RBFOX1: variants seen among roughly 807,000 people sequenced by gnomAD.
RBFOX1 encodes the protein RNA binding protein fox-1 homolog 1.
RBFOX1 carries 8 observed loss-of-function variants against 57.7 expected under a neutral mutation model. That is an observed-to-expected ratio of 0.14 (90% CI 0.08 to 0.25). The LOEUF (loss-of-function observed/expected upper bound fraction) is 0.25. Among genes scored for constraint, RBFOX1 ranks in the 10% least tolerant of loss-of-function variants. The pLI is 1.00. For missense variants in RBFOX1, 611 were observed against 548.5 expected (o/e 1.11, Z -1.14); for synonymous variants, 326 against 222.4 (o/e 1.47, Z -4.15).
intron 4 of RBFOX1, among the ~76,000 whole-genome samples, chr16:5,916,187 A>C (rs2058699644): frequency 7.4e-6 from 1 of 135,834 alleles, no homozygotes; most frequent in Non-Finnish European, 1.6e-5. Context: ...TGTCTCCCTG[A>C]CACTCTAGCA....
chr16:7,320,705 T>G (rs569108839), intron 4 of RBFOX1, among the ~76,000 whole-genome samples: 1 of 152,216 alleles, frequency 6.6e-6, no homozygotes, highest in African/African-American at 2.4e-5. Context: ...AGCACTCTAA[T>G]TGAGATATAA....
chr16:6,961,355 C>T (rs567311383), intron 3 of RBFOX1, among the ~76,000 whole-genome samples: 59 of 152,208 alleles, frequency 3.9e-4, no homozygotes, highest in African/African-American at 1.4e-3. Flanking sequence ...CACTCCAGAC[C>T]GTGTTCAAAC....
intron 3 of RBFOX1, among the ~76,000 whole-genome samples, chr16:6,655,363 G>T (rs193067382): frequency 0.012 from 367 of 31,632 alleles, 4 homozygotes; most frequent in African/African-American, 0.041. Context: ...GACAAAATAA[G>T]CCTCCGTTTC....
intron 2 of RBFOX1, among the ~76,000 whole-genome samples, chr16:6,362,951 G>C (rs796911993): frequency 3.9e-5 from 6 of 152,292 alleles, no homozygotes; most frequent in African/African-American, 1.2e-4. Context: ...AAGGCTAAAA[G>C]GTTGTACAGC....
At chr16:7,617,131 G>C (rs1286963358) in intron 10 of RBFOX1, among the ~76,000 whole-genome samples, 1 of 152,214 alleles carries the variant, frequency 6.6e-6, no homozygotes, top group Non-Finnish European at 1.5e-5. Context: ...TTATGAAAGA[G>C]AAAAGAATGT....
At chr16:6,816,512 C>T (rs929553251) in intron 3 of RBFOX1, among the ~76,000 whole-genome samples, 184 of 150,108 alleles carry the variant, frequency 1.2e-3, no homozygotes, top group African/African-American at 3.9e-3. Context: ...GAAGCCAAGG[C>T]GGACAGATCA....
chr16:5,252,853 A>C (rs1596310332), intron 1 of RBFOX1, among the ~76,000 whole-genome samples: 1 of 151,978 alleles, frequency 6.6e-6, no homozygotes, highest in African/African-American at 2.4e-5. Flanking sequence ...CTTCCAGAAA[A>C]CCCAGGCAAC....
At chr16:7,066,811 G>A (rs1173165645) in intron 4 of RBFOX1, among the ~76,000 whole-genome samples, 2 of 152,128 alleles carry the variant, frequency 1.3e-5, no homozygotes, top group Non-Finnish European at 2.9e-5. Context: ...TTCAATAAGA[G>A]GAGCACTTGA....
chr16:7,252,277 T>G (rs1384979232), intron 4 of RBFOX1, among the ~76,000 whole-genome samples: 1 of 152,190 alleles, frequency 6.6e-6, no homozygotes, highest in Non-Finnish European at 1.5e-5. Flanking sequence ...AATTTTAAGC[T>G]TTTCCTCCAT....
intron 2 of RBFOX1, among the ~76,000 whole-genome samples, chr16:6,369,642 GT>G (rs1268709193): frequency 6.6e-6 from 1 of 152,142 alleles, no homozygotes; most frequent in African/African-American, 2.4e-5. Context: ...TCCTTTATAA[GT>G]TTTAATTACC....
chr16:7,214,090 T>A (rs997711973), intron 4 of RBFOX1, among the ~76,000 whole-genome samples: 7 of 139,174 alleles, frequency 5.0e-5, no homozygotes, highest in East Asian at 1.9e-4. Context: ...AAAAAAAAAT[T>A]TTTCCACTTC....
intron 4 of RBFOX1, among the ~76,000 whole-genome samples, chr16:7,348,213 C>A (rs1016571646): frequency 6.6e-6 from 1 of 152,136 alleles, no homozygotes; most frequent in Non-Finnish European, 1.5e-5. Flanking sequence ...GATACATAAA[C>A]CACAATCCGC....
intron 2 of RBFOX1, among the ~76,000 whole-genome samples, chr16:5,545,224 C>T (rs546688432): frequency 6.6e-5 from 10 of 152,066 alleles, no homozygotes; most frequent in Admixed American, 2.6e-4. Flanking sequence ...GTGATCCAAC[C>T]GCCTTGGCCT....
chr16:6,542,544 C>T (rs1205076111), intron 2 of RBFOX1, among the ~76,000 whole-genome samples: 5 of 127,250 alleles, frequency 3.9e-5, no homozygotes, highest in Admixed American at 3.8e-4. Context: ...GGCTGGAGTG[C>T]AGTGGCCTTT....
At chr16:6,287,335 T>C (rs2077002419) in intron 1 of RBFOX1, among the ~76,000 whole-genome samples, 1 of 152,210 alleles carries the variant, frequency 6.6e-6, no homozygotes, top group Non-Finnish European at 1.5e-5. Flanking sequence ...TGTTCGGACT[T>C]GAAGTGATCT....
intron 4 of RBFOX1, among the ~76,000 whole-genome samples, chr16:7,114,701 C>G (rs574432099): frequency 3.3e-5 from 5 of 152,322 alleles, no homozygotes; most frequent in African/African-American, 1.2e-4. Context: ...AGTCCTTGTG[C>G]TGTTTTCCTT....
chr16:6,652,280 C>T (rs1346118203), intron 2 of RBFOX1, among the ~76,000 whole-genome samples: 1 of 152,092 alleles, frequency 6.6e-6, no homozygotes, highest in Non-Finnish European at 1.5e-5. Flanking sequence ...GAAATCCCAT[C>T]TCTACTAAAA....
intron 4 of RBFOX1, among the ~76,000 whole-genome samples, chr16:7,486,968 C>T (rs939605192): frequency 2.6e-5 from 4 of 152,172 alleles, no homozygotes; most frequent in Admixed American, 2.0e-4. Context: ...GGCACAATCT[C>T]GGCTCACTGC....
chr16:6,317,951 G>A (rs888866472), intron 2 of RBFOX1, among the ~76,000 whole-genome samples: 3 of 152,140 alleles, frequency 2.0e-5, no homozygotes, highest in Non-Finnish European at 4.4e-5. Flanking sequence ...AAGTGCTGGA[G>A]TATAATTTGA....
Sources: gnomAD v4.1 joint callset for allele counts (sites outside exome capture counted in the v4.1 genomes callset) on GRCh38, gnomAD v4.1.1 for gene constraint, MANE v1.5 for transcripts, NCBI Gene and HGNC (gene_info 2026-07-23, HGNC 2026-07-21) for gene names.